EVL: variants seen among roughly 807,000 people sequenced by gnomAD.
The protein encoded by EVL is ena/VASP-like protein.
In EVL, 21 loss-of-function variants were observed where a neutral mutation model predicts 59.6. The ratio of observed to expected loss-of-function variants is 0.35; its 90% CI spans 0.25 to 0.51. EVL has a LOEUF of 0.51. EVL is among the 20% of genes least tolerant of loss of function. The probability of loss-of-function intolerance (pLI) is 0.97; values close to 1 mark genes in which losing one functional copy is unlikely to be tolerated. For synonymous variants in EVL, 198 were observed against 203.5 expected (o/e 0.97, Z 0.23); for missense variants, 462 against 546.6 (o/e 0.85, Z 1.54).
At chr14:100,007,947 A>G (rs917497276) in intron 1 of EVL, among the ~76,000 whole-genome samples, 1 of 152,180 alleles carries the variant, frequency 6.6e-6, no homozygotes, top group Non-Finnish European at 1.5e-5. Flanking sequence ...CTACCTGTAC[A>G]TAGTAGGATG....
Position 100,143,896 on chromosome 14 carries a change from G to A in EVL, c.*158G>A. On this transcript the variant is annotated 3_prime_UTR_variant, in exon 14 of 14. Coordinates refer to ENST00000392920, the MANE Select transcript of EVL (RefSeq NM_016337.3). ...ACCTGTGATCACACATGACAGTGAG[G>A]AAACCAAGTGCAACTCCTGGGTTTT... The A allele has an allele frequency of 2.5e-6, 2 of 785,308 alleles. No homozygotes were observed. Among genetic ancestry groups the A allele is most frequent in the Non-Finnish European group, 4.0e-6 (2 of 504,566 alleles). The allele number at this position is 785,308 out of a possible 1,614,324, so 48.6% of individuals were successfully genotyped here. A position where few individuals can be genotyped will look rare whatever the true frequency, so the allele number is the denominator to read the frequency against.
intron 1 of EVL, among the ~76,000 whole-genome samples, chr14:100,021,110 A>G (rs923104548): frequency 1.3e-5 from 2 of 152,222 alleles, no homozygotes; most frequent in Admixed American, 1.3e-4. Flanking sequence ...AAGTAGCGCA[A>G]TTGCGTAGTT....
chr14:100,036,210 T>G (rs1245235958), intron 1 of EVL, among the ~76,000 whole-genome samples: 2 of 152,166 alleles, frequency 1.3e-5, no homozygotes, highest in Non-Finnish European at 1.5e-5. Flanking sequence ...TGATCTGAGG[T>G]GGGACAGTTT....
intron 1 of EVL, among the ~76,000 whole-genome samples, chr14:100,046,523 T>A (rs2061548296): frequency 6.6e-6 from 1 of 151,966 alleles, no homozygotes; most frequent in Non-Finnish European, 1.5e-5. Flanking sequence ...AAAAATCAGC[T>A]GCACGTGTTG....
At chr14:100,141,003 AG>A in intron 11 of EVL, 176 bp from the exon 12 acceptor site, 1 of 565,694 alleles carries the variant, frequency 1.8e-6, no homozygotes, top group Non-Finnish European at 3.1e-6. Context: ...AGACCTCTTG[AG>A]GTGGAGACGG....
At chr14:100,112,901 C>G (rs1279138016) in intron 3 of EVL, among the ~76,000 whole-genome samples, 1 of 152,240 alleles carries the variant, frequency 6.6e-6, no homozygotes, top group African/African-American at 2.4e-5. Context: ...TTACTGAGCA[C>G]CTATTCTGGG....
chr14:100,002,197 C>T (rs557768508), intron 1 of EVL, among the ~76,000 whole-genome samples: 4 of 152,240 alleles, frequency 2.6e-5, no homozygotes, highest in East Asian at 1.9e-4. Flanking sequence ...ATGAACATTT[C>T]GCTCTCCATG....
intron 1 of EVL, among the ~76,000 whole-genome samples, chr14:99,980,189 C>A (rs1279524980): frequency 1.3e-5 from 2 of 152,326 alleles, no homozygotes; most frequent in South Asian, 4.1e-4. Flanking sequence ...TTTAAAAATT[C>A]ATTCTTCAAA....
chr14:100,015,528 G>C (rs2061043730), intron 1 of EVL, among the ~76,000 whole-genome samples: 1 of 152,184 alleles, frequency 6.6e-6, no homozygotes, highest in Admixed American at 6.5e-5. Flanking sequence ...ACTAGAAAGA[G>C]GAAGTGAATC....
intron 1 of EVL, among the ~76,000 whole-genome samples, chr14:100,047,118 C>CTCTTTTTTTT (rs1566983192): frequency 1.7e-4 from 4 of 23,890 alleles, no homozygotes; most frequent in African/African-American, 5.5e-4. Flanking sequence ...ATCTCTCTCT[C>CTCTTTTTTTT]TTTTTTTTTT....
chr14:99,989,606 T>C (rs2060862512), intron 1 of EVL, among the ~76,000 whole-genome samples: 1 of 152,260 alleles, frequency 6.6e-6, no homozygotes, highest in African/African-American at 2.4e-5. Flanking sequence ...ATATTTTTTA[T>C]ACATCTTTTA....
In EVL at chr14:100,126,995, C is replaced by A. The variant is rs376902750; in HGVS notation, c.487+224C>A. Reference sequence around the variant, plus strand: ...TCTGGCCACTACCTGCCAACCTTCTCCGGAGTGGACATTCAGCAAGCACCT... The same window carrying A: ...TCTGGCCACTACCTGCCAACCTTCTACGGAGTGGACATTCAGCAAGCACCT... On this transcript the variant is annotated intron_variant, in intron 5 of 13. Transcript: ENST00000392920. 1.3e-4 allele frequency among the ~76,000 whole-genome samples: 20 copies of A among 152,336 alleles called. No individual in the cohort carries two copies. In the East Asian group the frequency reaches 1.7e-3, roughly 13 times the overall value.
At position 100,129,774 on chromosome 14, in the gene EVL, C is replaced by T. The variant is rs960955334; in HGVS notation, c.839+90C>T. 16 of 1,423,672 alleles carry T rather than the reference C, an allele frequency of 1.1e-5. No individual in the cohort carries two copies. In the African/African-American group the frequency reaches 2.0e-4, roughly 18 times the overall value. 88.2% of individuals were successfully genotyped at this position (1,423,672 alleles called of 1,614,324 possible). A position where few individuals can be genotyped will look rare whatever the true frequency, so the allele number is the denominator to read the frequency against. On this transcript the variant is annotated intron_variant, in intron 7 of 13. Coordinates refer to ENST00000392920, the MANE Select transcript of EVL (RefSeq NM_016337.3). ...GCTGCACAGAGAATCCTCTCTTGACCCCAGAATCTTTGTTCCCTGGGTTTA... is the reference window on the plus strand; with the variant it reads ...GCTGCACAGAGAATCCTCTCTTGACTCCAGAATCTTTGTTCCCTGGGTTTA...
At chr14:100,126,915 A>G (rs1454048982) in intron 5 of EVL, 144 bp downstream of exon 5, 7 of 710,076 alleles carry the variant, frequency 9.9e-6, no homozygotes, top group Non-Finnish European at 1.6e-5. Flanking sequence ...ACCACTTCAG[A>G]TGGTGAGGGT....
At chr14:100,045,459 C>T (rs1044211944) in intron 1 of EVL, among the ~76,000 whole-genome samples, 6 of 152,206 alleles carry the variant, frequency 3.9e-5, no homozygotes, top group Admixed American at 2.6e-4. Flanking sequence ...ACGTAATAGG[C>T]GCCCAACACA....
At chr14:100,001,839 TAAAGG>T (rs1272960270) in intron 1 of EVL, among the ~76,000 whole-genome samples, 1 of 152,222 alleles carries the variant, frequency 6.6e-6, no homozygotes, top group Non-Finnish European at 1.5e-5. Context: ...TTTGATTCCT[TAAAGG>T]AAAGCATACC....
intron 1 of EVL, among the ~76,000 whole-genome samples, chr14:100,032,366 T>A (rs1279681062): frequency 1.3e-5 from 2 of 152,216 alleles, no homozygotes; most frequent in Non-Finnish European, 2.9e-5. Context: ...GCTGCTTGGT[T>A]GGGGCATTCA....
chr14:100,092,268 A>G (rs1483582846), intron 2 of EVL, among the ~76,000 whole-genome samples: 1 of 152,170 alleles, frequency 6.6e-6, no homozygotes, highest in Non-Finnish European at 1.5e-5. Flanking sequence ...AAGAATAGGA[A>G]AAACACTTTA....
chr14:100,020,241 T>G (rs1390176179), intron 1 of EVL, among the ~76,000 whole-genome samples: 1 of 152,186 alleles, frequency 6.6e-6, no homozygotes, highest in African/African-American at 2.4e-5. Flanking sequence ...GGCTCTTTGC[T>G]TTCGTATGCT....
Sources: allele counts gnomAD v4.1 joint callset (sites outside exome capture counted in the v4.1 genomes callset), GRCh38; gene constraint gnomAD v4.1.1; transcripts MANE v1.5; gene names NCBI Gene and HGNC (gene_info 2026-07-23, HGNC 2026-07-21).